Variants in LMBRD1 observed in about 807,000 individuals in gnomAD.
The protein encoded by LMBRD1 is lysosomal cobalamin transport escort protein LMBD1.
Under a neutral mutation model 74.8 loss-of-function variants are expected in LMBRD1, and 64 were observed. The observed-to-expected ratio is 0.86, with a 90% CI of 0.70 to 1.05. LMBRD1 has a LOEUF of 1.05. Among genes scored for constraint, LMBRD1 ranks in the 50% least tolerant of loss-of-function variants. The probability of loss-of-function intolerance (pLI) is 0.00; values close to 1 mark genes in which losing one functional copy is unlikely to be tolerated. For missense variants in LMBRD1, 652 were observed against 645.9 expected (o/e 1.01, Z -0.10); for synonymous variants, 204 against 216.3 (o/e 0.94, Z 0.50).
At chr6:69,781,148 C>T (rs1293873525) in intron 2 of LMBRD1, among the ~76,000 whole-genome samples, 1 of 152,068 alleles carries the variant, frequency 6.6e-6, no homozygotes, top group African/African-American at 2.4e-5. Flanking sequence ...TTTTTAAAAA[C>T]CTACAGGAAA....
chr6:69,719,010 T>A lies in LMBRD1; in HGVS notation c.708A>T (p.Glu236Asp). 1 of 1,613,368 alleles carries A rather than the reference T, an allele frequency of 6.2e-7. No individual in the cohort carries two copies. Among genetic ancestry groups the A allele is most frequent in the Non-Finnish European group, 8.5e-7 (1 of 1,179,522 alleles). ...GTRSAAYERL[E>D]NTEDIEEVEQ... ...CTACTTCTTCAATGTCTTCAGTGTT[T>A]TCCAAACGTTCATAAGCAGCGCTTC... Residue 236 changes from glutamate to aspartate, a missense_variant, in exon 8 of 16, where the codon GAA (glutamate) becomes GAT (aspartate). This residue lies in a region of LMBRD1 where 598 missense variants were observed against 581.8 expected (regional missense o/e 1.03). Coordinates refer to ENST00000649934, the MANE Select transcript of LMBRD1 (RefSeq NM_018368.4).
intron 12 of LMBRD1, among the ~76,000 whole-genome samples, chr6:69,699,973 C>A (rs1016440729): frequency 4.0e-5 from 6 of 151,760 alleles, no homozygotes; most frequent in African/African-American, 1.2e-4. Context: ...CTGTAAAAGT[C>A]TTGTTTTATT....
chr6:69,699,360 C>T (rs1352943733), intron 12 of LMBRD1, among the ~76,000 whole-genome samples, 168 bp from the exon 13 acceptor site: 1 of 151,742 alleles, frequency 6.6e-6, no homozygotes, highest in East Asian at 1.9e-4. Context: ...TAAGATTATT[C>T]ACATGGTCTA....
chr6:69,724,899 A>T (rs1766694090), intron 7 of LMBRD1, among the ~76,000 whole-genome samples: 1 of 152,058 alleles, frequency 6.6e-6, no homozygotes, highest in South Asian at 2.1e-4. Context: ...AAGGGCATAT[A>T]AACTGGAAAG....
rs993037979 is a variant in LMBRD1 at position 69,765,725 on chromosome 6, A to T, written c.308-13369T>A. ...TTTGAGAGAAAACTGACATAATTGC[A>T]TCTTTACAGCATTGTGTTTTCAACC... On this transcript the variant is annotated intron_variant, in intron 3 of 15. Coordinates refer to ENST00000649934, the MANE Select transcript of LMBRD1 (RefSeq NM_018368.4). Among the ~76,000 whole-genome samples the T allele has an allele frequency of 3.3e-5, 5 of 152,168 alleles. No individual in the cohort carries two copies. In the East Asian group the frequency reaches 9.6e-4, roughly 29 times the overall value.
chr6:69,686,535 C>T (rs1465325778), intron 14 of LMBRD1, among the ~76,000 whole-genome samples: 1 of 152,134 alleles, frequency 6.6e-6, no homozygotes, highest in African/African-American at 2.4e-5. Flanking sequence ...TAGATATTAT[C>T]AAAATTAGAA....
chr6:69,778,971 A>AG, intron 3 of LMBRD1, among the ~76,000 whole-genome samples: 1 of 152,192 alleles, frequency 6.6e-6, no homozygotes, highest in East Asian at 1.9e-4. Flanking sequence ...GCGGATCACT[A>AG]GGTCAGGAGT....
At chr6:69,725,308 G>T (rs1286172819) in intron 7 of LMBRD1, among the ~76,000 whole-genome samples, 1 of 150,070 alleles carries the variant, frequency 6.7e-6, no homozygotes, top group Admixed American at 6.7e-5. Flanking sequence ...CAGATTCAAT[G>T]CAATCCCTAT....
At chr6:69,752,115 G>A in intron 4 of LMBRD1, 144 bp downstream of exon 4, 1 of 728,948 alleles carries the variant, frequency 1.4e-6, no homozygotes, top group Admixed American at 3.1e-5. Flanking sequence ...AATTTCAACT[G>A]TTTCTTTTTA....
chr6:69,760,100 T>C (rs77961428), intron 3 of LMBRD1, among the ~76,000 whole-genome samples: 4,013 of 152,264 alleles, frequency 0.026, 75 homozygotes, highest in Non-Finnish European at 0.042. Context: ...TTATCTACCA[T>C]ACTGAAGATG....
At chr6:69,743,941 C>G (rs1335533549) in intron 5 of LMBRD1, among the ~76,000 whole-genome samples, 2 of 152,050 alleles carry the variant, frequency 1.3e-5, no homozygotes, top group Non-Finnish European at 2.9e-5. Context: ...TGTTCATTGA[C>G]CAAATATCAG....
intron 7 of LMBRD1, among the ~76,000 whole-genome samples, chr6:69,732,376 G>A (rs1766877347): frequency 6.6e-6 from 1 of 152,054 alleles, no homozygotes; most frequent in African/African-American, 2.4e-5. Context: ...AGCATAGAAT[G>A]AGAAGACAGC....
Position 69,676,150 on chromosome 6 carries a change from G to C in LMBRD1, c.*8C>G. The stretch of plus-strand genomic sequence containing the variant: ...TCAGCATTATAAAACCTTTAAGACA[G>C]AAGGCTGTCAAGCAGAATAGACAGA... On this transcript the variant is annotated 3_prime_UTR_variant, in exon 16 of 16. Transcript: ENST00000649934. The C allele has an allele frequency of 1.9e-6, 3 of 1,600,514 alleles. No individual in the cohort carries two copies. Among genetic ancestry groups the C allele is most frequent in the Non-Finnish European group, 2.6e-6 (3 of 1,168,006 alleles).
At chr6:69,749,306 A>G (rs1459434224) in intron 5 of LMBRD1, 35 bp downstream of exon 5, 3 of 1,329,136 alleles carry the variant, frequency 2.3e-6, no homozygotes, top group African/African-American at 1.6e-5. Context: ...TTCTATTTCC[A>G]TTTCATGGTT....
intron 2 of LMBRD1, among the ~76,000 whole-genome samples, chr6:69,781,359 A>T (rs1262747851): frequency 6.6e-6 from 1 of 152,206 alleles, no homozygotes; most frequent in Non-Finnish European, 1.5e-5. Flanking sequence ...GAGAATCTAA[A>T]GGACTTATCA....
At chr6:69,698,210 G>C (rs1766047693) in intron 13 of LMBRD1, among the ~76,000 whole-genome samples, 1 of 151,940 alleles carries the variant, frequency 6.6e-6, no homozygotes, top group Admixed American at 6.6e-5. Flanking sequence ...CAATGAAATA[G>C]CCTTTTAACA....
intron 5 of LMBRD1, among the ~76,000 whole-genome samples, chr6:69,745,480 G>A (rs1012870460): frequency 2.5e-4 from 37 of 150,758 alleles, no homozygotes; most frequent in African/African-American, 7.6e-4. Flanking sequence ...GGATGGTCTC[G>A]ATCTCCTGAC....
chr6:69,757,002 ACT>A lies in LMBRD1; in HGVS notation c.308-4648_308-4647del, dbSNP rs1765280961. 1.3e-5 allele frequency among the ~76,000 whole-genome samples: 2 copies of A among 152,124 alleles called. 1 individual carries two copies. The highest frequency in any genetic ancestry group is 4.1e-4 in the South Asian group (2 of 4,832). Reference sequence around the variant, plus strand: ...CAGCAATATTAGGTCTGCTGCATTAACTCTTTTACAATAATGATGTTGAGAGA... The same window carrying A: ...CAGCAATATTAGGTCTGCTGCATTAACTTTTACAATAATGATGTTGAGAGA... On this transcript the variant is annotated intron_variant, in intron 3 of 15. Coordinates refer to ENST00000649934, the MANE Select transcript of LMBRD1 (RefSeq NM_018368.4).
chr6:69,755,432 G>T (rs554160091), intron 3 of LMBRD1, among the ~76,000 whole-genome samples: 68 of 152,078 alleles, frequency 4.5e-4, no homozygotes, highest in African/African-American at 1.6e-3. Flanking sequence ...GGCCTGTCAG[G>T]GGGTTGGGTC....
Sources: gnomAD v4.1 joint callset for allele counts (sites outside exome capture counted in the v4.1 genomes callset) on GRCh38, gnomAD v4.1.1 for gene constraint, gnomAD v4.1.1 regional missense constraint, MANE v1.5 for transcripts, NCBI Gene and HGNC (gene_info 2026-07-23, HGNC 2026-07-21) for gene names.